DDAH1: variants seen among roughly 807,000 people sequenced by gnomAD.
DDAH1 encodes dimethylarginine dimethylaminohydrolase 1.
Under a neutral mutation model 28.8 loss-of-function variants are expected in DDAH1, and 19 were observed. The observed-to-expected ratio is 0.66, with a 90% CI of 0.46 to 0.97. The LOEUF is 0.97. Among genes scored for constraint, DDAH1 ranks in the 50% least tolerant of loss-of-function variants. The probability of loss-of-function intolerance (pLI) is 0.00; values close to 1 mark genes in which losing one functional copy is unlikely to be tolerated. For missense variants in DDAH1, 326 were observed against 375.9 expected, an observed-to-expected ratio of 0.87 and a Z score of 1.10; for synonymous variants, 153 against 154.4, an observed-to-expected ratio of 0.99 and a Z score of 0.07.
intron 1 of DDAH1, among the ~76,000 whole-genome samples, chr1:85,386,287 G>A (rs556120889): frequency 1.3e-5 from 2 of 152,230 alleles, no homozygotes; most frequent in East Asian, 3.9e-4. Context: ...TTACAGCTGG[G>A]AGCCTGTACC....
intron 1 of DDAH1, among the ~76,000 whole-genome samples, chr1:85,551,265 G>A (rs923847385): frequency 6.6e-6 from 1 of 152,202 alleles, no homozygotes; most frequent in Non-Finnish European, 1.5e-5. Context: ...GAGAGACATG[G>A]CAATTGGGCT....
chr1:85,424,833 G>A (rs1168121413), intron 1 of DDAH1, among the ~76,000 whole-genome samples: 1 of 151,764 alleles, frequency 6.6e-6, no homozygotes, highest in African/African-American at 2.4e-5. Context: ...ATACAATAAA[G>A]AGAAAATGAC....
intron 1 of DDAH1, among the ~76,000 whole-genome samples, chr1:85,535,463 A>C (rs1658243621): frequency 9.7e-6 from 1 of 102,818 alleles, no homozygotes; most frequent in South Asian, 4.0e-4. Flanking sequence ...TACCAAACCA[A>C]CGTTATGAGA....
intron 4 of DDAH1, among the ~76,000 whole-genome samples, chr1:85,341,933 C>T (rs1648516387): frequency 2.0e-5 from 3 of 152,156 alleles, no homozygotes; most frequent in Admixed American, 2.0e-4. Flanking sequence ...TGAAGTGATC[C>T]TTACCACTAG....
At chr1:85,365,260 A>T (rs906832001) in intron 1 of DDAH1, among the ~76,000 whole-genome samples, 1 of 152,194 alleles carries the variant, frequency 6.6e-6, no homozygotes, top group Non-Finnish European at 1.5e-5. Flanking sequence ...TATTGTTACT[A>T]ACCAACAAAT....
At chr1:85,341,858 A>G (rs1268156466) in intron 4 of DDAH1, among the ~76,000 whole-genome samples, 1 of 151,998 alleles carries the variant, frequency 6.6e-6, no homozygotes, top group East Asian at 1.9e-4. Context: ...AAAACCCCAG[A>G]TGTTCCATCA....
At chr1:85,465,165 A>C, upstream of DDAH1, 7 of 1,149,716 alleles carry the variant, frequency 6.1e-6, no homozygotes, top group Non-Finnish European at 7.5e-6. Flanking sequence ...AATGTGGTGC[A>C]GAAGGAGCCC....
chr1:85,451,013 A>G (rs1022326330), intron 1 of DDAH1, among the ~76,000 whole-genome samples: 1 of 152,202 alleles, frequency 6.6e-6, no homozygotes, highest in African/African-American at 2.4e-5. Flanking sequence ...CATGAGCTGG[A>G]GAGAGGCCAG....
chr1:85,342,837 CT>C (rs1648587839), intron 4 of DDAH1, among the ~76,000 whole-genome samples: 1 of 152,130 alleles, frequency 6.6e-6, no homozygotes, highest in Admixed American at 6.5e-5. Flanking sequence ...ACCTGCAGAG[CT>C]TTTAAAAAAT....
chr1:85,343,997 G>A (rs1157729651), intron 4 of DDAH1, among the ~76,000 whole-genome samples: 1 of 152,200 alleles, frequency 6.6e-6, no homozygotes, highest in Non-Finnish European at 1.5e-5. Flanking sequence ...TTCATTCAAG[G>A]AATGTTAGAA....
At chr1:85,417,961 T>C (rs917469931) in intron 1 of DDAH1, among the ~76,000 whole-genome samples, 2 of 152,240 alleles carry the variant, frequency 1.3e-5, no homozygotes, top group African/African-American at 4.8e-5. Context: ...CTACTAACGA[T>C]TACAAATCAT....
intron 2 of DDAH1, 46 bp from the exon 3 acceptor site, chr1:85,351,625 CTG>C (rs1364396146): frequency 7.3e-7 from 1 of 1,367,636 alleles, no homozygotes; most frequent in Non-Finnish European, 1.0e-6. Flanking sequence ...GCACCAGTGA[CTG>C]TACATCATTT....
chr1:85,439,590 A>C (rs1310082758), intron 1 of DDAH1, among the ~76,000 whole-genome samples: 1 of 152,232 alleles, frequency 6.6e-6, no homozygotes. Flanking sequence ...TTCTTAAACT[A>C]TCTGCTCTTC....
intron 1 of DDAH1, among the ~76,000 whole-genome samples, chr1:85,377,815 CTCT>C (rs1381340144): frequency 6.6e-6 from 1 of 151,172 alleles, no homozygotes; most frequent in Non-Finnish European, 1.5e-5. Flanking sequence ...TTGATAACCT[CTCT>C]TCTTCTTCAT....
At chr1:85,500,138 CTTTCTTTCT>C (rs762830078) in intron 1 of DDAH1, among the ~76,000 whole-genome samples, 1 of 72,746 alleles carries the variant, frequency 1.4e-5, no homozygotes, top group Admixed American at 1.4e-4. Context: ...TTCTTTCTTT[CTTTCTTTCT>C]TTTCTTTCTT....
Position 85,548,109 on chromosome 1 carries a change from T to A in DDAH1, c.-123+29875A>T, listed in dbSNP as rs114123776. On this transcript the variant is annotated intron_variant, in intron 1 of 6. Transcript: ENST00000426972. Reference sequence around the variant, plus strand: ...TATGCAATACCTTTTTTCAAATCCATGTGGCAAAATATATTTAATTTGACT... The same window carrying A: ...TATGCAATACCTTTTTTCAAATCCAAGTGGCAAAATATATTTAATTTGACT... Among the ~76,000 whole-genome samples the A allele has an allele frequency of 3.4e-3, 523 of 152,342 alleles. 4 individuals are homozygous for A. Among genetic ancestry groups the A allele is most frequent in the Middle Eastern group, 0.02 (6 of 294 alleles).
intron 2 of DDAH1, among the ~76,000 whole-genome samples, chr1:85,476,371 A>G (rs1256339675): frequency 6.6e-6 from 1 of 152,220 alleles, no homozygotes; most frequent in African/African-American, 2.4e-5. Flanking sequence ...GAATTGGGGA[A>G]AAGCTTGTGT....
chr1:85,334,428 G>A (rs1647982132), intron 4 of DDAH1, among the ~76,000 whole-genome samples: 1 of 152,020 alleles, frequency 6.6e-6, no homozygotes, highest in African/African-American at 2.4e-5. Flanking sequence ...CATCTGATAT[G>A]GTTTGGCTCT....
intron 1 of DDAH1, among the ~76,000 whole-genome samples, chr1:85,565,390 G>T (rs939434661): frequency 6.6e-6 from 1 of 151,978 alleles, no homozygotes; most frequent in Non-Finnish European, 1.5e-5. Flanking sequence ...AAAACAACGG[G>T]TTAAAACCTT....
Sources: gnomAD v4.1 joint callset for allele counts (sites outside exome capture counted in the v4.1 genomes callset) on GRCh38, gnomAD v4.1.1 for gene constraint, MANE v1.5 for transcripts, NCBI Gene and HGNC (gene_info 2026-07-23, HGNC 2026-07-21) for gene names.